SGCZ: variants seen among roughly 807,000 people sequenced by gnomAD.
SGCZ encodes sarcoglycan zeta.
A neutral mutation model predicts 41.3 loss-of-function variants in SGCZ; 40 were observed. The observed-to-expected ratio is 0.97, with a 90% CI of 0.75 to 1.26. The LOEUF is 1.26. Among genes scored for constraint, SGCZ ranks in the 50% most tolerant of loss-of-function variants. The pLI is 0.00. For missense variants in SGCZ, 552 were observed against 369.8 expected (o/e 1.49, Z -4.04); for synonymous variants, 206 against 137.5 (o/e 1.50, Z -3.49).
intron 2 of SGCZ, among the ~76,000 whole-genome samples, chr8:14,495,296 T>A (rs1294869923): frequency 6.6e-6 from 1 of 152,190 alleles, no homozygotes; most frequent in African/African-American, 2.4e-5. Context: ...CACTAGAAAT[T>A]AAATCAATAC....
intron 2 of SGCZ, among the ~76,000 whole-genome samples, chr8:14,538,504 G>C (rs1803363060): frequency 6.6e-6 from 1 of 151,884 alleles, no homozygotes; most frequent in African/African-American, 2.4e-5. Flanking sequence ...CCCTCTTCTA[G>C]GGTTTCTGTG....
chr8:14,335,466 C>G (rs1233277632), intron 2 of SGCZ, among the ~76,000 whole-genome samples: 1 of 151,982 alleles, frequency 6.6e-6, no homozygotes. Context: ...TGGTAATCAC[C>G]CATTTGGAAA....
At chr8:14,910,766 T>C (rs1415834282) in intron 1 of SGCZ, among the ~76,000 whole-genome samples, 1 of 152,008 alleles carries the variant, frequency 6.6e-6, no homozygotes, top group African/African-American at 2.4e-5. Flanking sequence ...AAGACAATGA[T>C]GTCATTTTAT....
At chr8:14,530,587 G>A (rs886400551) in intron 2 of SGCZ, among the ~76,000 whole-genome samples, 1 of 152,072 alleles carries the variant, frequency 6.6e-6, no homozygotes, top group African/African-American at 2.4e-5. Flanking sequence ...GCACACAGCA[G>A]TAACACTGTA....
intron 1 of SGCZ, among the ~76,000 whole-genome samples, chr8:14,711,616 A>AT (rs1809520228): frequency 6.7e-6 from 1 of 149,318 alleles, no homozygotes; most frequent in East Asian, 1.9e-4. Context: ...AAAAAAAAAA[A>AT]AAAAGCCTAT....
intron 2 of SGCZ, among the ~76,000 whole-genome samples, chr8:14,509,165 T>C (rs1056974609): frequency 6.6e-6 from 1 of 152,152 alleles, no homozygotes; most frequent in African/African-American, 2.4e-5. Context: ...ACTAGATTTT[T>C]TGCTGTATAT....
intron 1 of SGCZ, among the ~76,000 whole-genome samples, chr8:15,108,911 TCA>T (rs565461266): frequency 1.8e-3 from 273 of 152,248 alleles, no homozygotes; most frequent in African/African-American, 6.4e-3. Context: ...CAGGTTATCC[TCA>T]GTTTCAGTGA....
chr8:14,330,401 T>G (rs919974580), intron 2 of SGCZ, among the ~76,000 whole-genome samples: 6 of 152,224 alleles, frequency 3.9e-5, no homozygotes, highest in Admixed American at 2.0e-4. Context: ...ATAGAATTTG[T>G]CTTTAAAAAC....
intron 1 of SGCZ, among the ~76,000 whole-genome samples, chr8:14,702,968 G>GATAT (rs1809215868): frequency 1.8e-5 from 2 of 112,398 alleles, no homozygotes; most frequent in Admixed American, 9.3e-5. Context: ...TAGATAGATA[G>GATAT]ATAGACAGAC....
At chr8:15,202,739 G>T (rs1047759191) in intron 1 of SGCZ, among the ~76,000 whole-genome samples, 1 of 152,048 alleles carries the variant, frequency 6.6e-6, no homozygotes, top group African/African-American at 2.4e-5. Context: ...TTGATAGTAG[G>T]AACTATCAAT....
At chr8:14,770,352 A>T (rs1489009180) in intron 1 of SGCZ, among the ~76,000 whole-genome samples, 2 of 151,568 alleles carry the variant, frequency 1.3e-5, no homozygotes, top group Non-Finnish European at 2.9e-5. Flanking sequence ...TTCGTCAAGC[A>T]ATATTATTTT....
rs180727703 is a variant in SGCZ, at chr8:14,138,080, A to C, written c.547+26500T>G. Among the ~76,000 whole-genome samples the C allele has an allele frequency of 9.0e-3, 1,371 of 152,270 alleles. 20 individuals carry two copies. The highest frequency in any genetic ancestry group is 0.031 in the African/African-American group (1,278 of 41,556). ...CCAGAATTTCATATCCAGCCAAACTAAGCTTCATAAGTGAAGGAGAAATGA... is the reference window on the plus strand; with the variant it reads ...CCAGAATTTCATATCCAGCCAAACTCAGCTTCATAAGTGAAGGAGAAATGA... On this transcript the variant is annotated intron_variant, in intron 5 of 7. Transcript: ENST00000382080.
chr8:14,863,731 G>A (rs1563323376), intron 1 of SGCZ, among the ~76,000 whole-genome samples: 2 of 152,148 alleles, frequency 1.3e-5, no homozygotes, highest in African/African-American at 4.8e-5. Context: ...AAAGCAGAGG[G>A]AGCTGCTTCA....
chr8:14,595,516 G>A (rs1258688131), intron 1 of SGCZ, among the ~76,000 whole-genome samples: 3 of 151,818 alleles, frequency 2.0e-5, no homozygotes, highest in Non-Finnish European at 4.4e-5. Flanking sequence ...CAACATGTCA[G>A]GCAGATAGAA....
intron 2 of SGCZ, among the ~76,000 whole-genome samples, chr8:14,499,110 G>C (rs549977843): frequency 6.6e-6 from 1 of 151,786 alleles, no homozygotes; most frequent in East Asian, 1.9e-4. Flanking sequence ...CATATCTTCT[G>C]TTATTTGCTT....
chr8:14,831,196 C>G (rs1802514769), intron 1 of SGCZ, among the ~76,000 whole-genome samples: 1 of 152,082 alleles, frequency 6.6e-6, no homozygotes. Flanking sequence ...ATAGAGTACA[C>G]AGGTCAAAGA....
At chr8:14,686,672 A>G (rs1006004094) in intron 1 of SGCZ, among the ~76,000 whole-genome samples, 1 of 152,060 alleles carries the variant, frequency 6.6e-6, no homozygotes, top group Admixed American at 6.6e-5. Flanking sequence ...GACATGTTGC[A>G]GGGGCTGAAA....
intron 1 of SGCZ, among the ~76,000 whole-genome samples, chr8:15,182,074 C>T (rs377073328): frequency 4.6e-5 from 7 of 151,980 alleles, no homozygotes; most frequent in African/African-American, 1.4e-4. Flanking sequence ...TTATTCATTC[C>T]GAAATTCATG....
intron 3 of SGCZ, among the ~76,000 whole-genome samples, chr8:14,276,455 A>G (rs914377665): frequency 6.6e-6 from 1 of 152,182 alleles, no homozygotes; most frequent in Non-Finnish European, 1.5e-5. Flanking sequence ...TGCTCTGCAA[A>G]GAAAAATGTA....
Sources: allele counts gnomAD v4.1 joint callset (sites outside exome capture counted in the v4.1 genomes callset), GRCh38; gene constraint gnomAD v4.1.1; transcripts MANE v1.5; gene names NCBI Gene and HGNC (gene_info 2026-07-23, HGNC 2026-07-21).